DPP10: variants seen among roughly 807,000 people sequenced by gnomAD.
DPP10 encodes inactive dipeptidyl peptidase 10.
In DPP10, 33 loss-of-function variants were observed where a neutral mutation model predicts 120.9. The ratio of observed to expected loss-of-function variants is 0.27; its 90% CI spans 0.21 to 0.37. The LOEUF is 0.37. DPP10 is among the 10% of genes least tolerant of loss of function. DPP10 has a pLI of 1.00. For synonymous variants in DPP10, 337 were observed against 326.1 expected (o/e 1.03, Z -0.36); for missense variants, 816 against 942.8 (o/e 0.87, Z 1.76).
chr2:115,265,268 C>CATATATATATATATATATATAT (rs55778302), intron 1 of DPP10, among the ~76,000 whole-genome samples: 114 of 142,462 alleles, frequency 8.0e-4, no homozygotes, highest in Middle Eastern at 3.7e-3. Flanking sequence ...CTTTGGATTC[C>CATATATATATATATATATATAT]ATATATATAT....
chr2:114,730,231 C>G (rs1464326457), intron 1 of DPP10, among the ~76,000 whole-genome samples: 1 of 152,124 alleles, frequency 6.6e-6, no homozygotes, highest in Admixed American at 6.5e-5. Context: ...TGACTAAAGC[C>G]TAGTCCAGAA....
At chr2:115,078,457 A>C (rs2104479284) in intron 1 of DPP10, among the ~76,000 whole-genome samples, 1 of 152,316 alleles carries the variant, frequency 6.6e-6, no homozygotes, top group Non-Finnish European at 1.5e-5. Flanking sequence ...AAATATCATC[A>C]CATCAGTGGT....
intron 5 of DPP10, among the ~76,000 whole-genome samples, chr2:115,644,748 A>T (rs953693085): frequency 6.6e-6 from 1 of 152,122 alleles, no homozygotes; most frequent in Non-Finnish European, 1.5e-5. Context: ...GAGCCACTGC[A>T]CTCCAGCCAA....
chr2:114,737,842 C>T (rs764380291), intron 1 of DPP10, among the ~76,000 whole-genome samples: 8 of 152,124 alleles, frequency 5.3e-5, no homozygotes, highest in African/African-American at 1.9e-4. Context: ...AAAGCTTTTA[C>T]GAGAATGGAA....
At chr2:115,415,523 C>A (rs2104619951) in intron 3 of DPP10, among the ~76,000 whole-genome samples, 1 of 152,112 alleles carries the variant, frequency 6.6e-6, no homozygotes, top group Non-Finnish European at 1.5e-5. Flanking sequence ...ATTAAAAGGT[C>A]CATTAAGGGC....
chr2:114,601,128 A>G (rs531262602), intron 1 of DPP10, among the ~76,000 whole-genome samples: 1 of 151,998 alleles, frequency 6.6e-6, no homozygotes, highest in Non-Finnish European at 1.5e-5. Context: ...ATTTTGTATA[A>G]CATCTTATTC....
intron 1 of DPP10, among the ~76,000 whole-genome samples, chr2:114,636,444 C>G (rs1006711778): frequency 3.3e-5 from 5 of 151,978 alleles, no homozygotes; most frequent in African/African-American, 9.7e-5. Context: ...GCCAAAGACA[C>G]TAGCAGTTCT....
At chr2:114,981,100 G>A (rs1369269467) in intron 1 of DPP10, among the ~76,000 whole-genome samples, 2 of 151,390 alleles carry the variant, frequency 1.3e-5, no homozygotes, top group Non-Finnish European at 2.9e-5. Flanking sequence ...TCATTTCAGA[G>A]GGCAATTTGA....
intron 1 of DPP10, among the ~76,000 whole-genome samples, chr2:114,679,037 C>T (rs1363704284): frequency 6.6e-6 from 1 of 152,056 alleles, no homozygotes; most frequent in Non-Finnish European, 1.5e-5. Context: ...AGCGCACAGA[C>T]TTTCCTAGGA....
At chr2:115,333,843 G>C (rs1292279755) in intron 2 of DPP10, among the ~76,000 whole-genome samples, 1 of 151,916 alleles carries the variant, frequency 6.6e-6, no homozygotes, top group Non-Finnish European at 1.5e-5. Flanking sequence ...CTTTCTCTCT[G>C]GCTGCCCTTA....
intron 1 of DPP10, among the ~76,000 whole-genome samples, chr2:114,977,963 A>AT (rs1201557693): frequency 6.6e-6 from 1 of 151,144 alleles, no homozygotes; most frequent in African/African-American, 2.4e-5. Flanking sequence ...TGGGAGGGAG[A>AT]TTTTGCAATA....
intron 1 of DPP10, among the ~76,000 whole-genome samples, chr2:114,664,406 A>T (rs1697734063): frequency 6.6e-6 from 1 of 151,934 alleles, no homozygotes; most frequent in African/African-American, 2.4e-5. Flanking sequence ...AGGCGGATGG[A>T]TCACCTGAAG....
At chr2:114,888,441 G>A (rs778840292) in intron 1 of DPP10, among the ~76,000 whole-genome samples, 1 of 152,048 alleles carries the variant, frequency 6.6e-6, no homozygotes, top group Non-Finnish European at 1.5e-5. Context: ...AAAAGTTCAC[G>A]AATCTGTATA....
intron 1 of DPP10, among the ~76,000 whole-genome samples, chr2:115,294,787 A>C (rs1416328528): frequency 6.6e-6 from 1 of 152,072 alleles, no homozygotes; most frequent in African/African-American, 2.4e-5. Flanking sequence ...GTATCACTAC[A>C]AAATGAATTG....
At chr2:114,478,698 A>T (rs539712807) in intron 1 of DPP10, among the ~76,000 whole-genome samples, 1 of 152,288 alleles carries the variant, frequency 6.6e-6, no homozygotes, top group African/African-American at 2.4e-5. Flanking sequence ...TCTACAAAAA[A>T]ACTTACATAA....
chr2:114,459,092 T>G (rs1054074178), intron 1 of DPP10, among the ~76,000 whole-genome samples: 2 of 152,168 alleles, frequency 1.3e-5, no homozygotes, highest in African/African-American at 4.8e-5. Flanking sequence ...TAAGTAAATT[T>G]CTAAAAATGT....
At chr2:115,001,565 A>C (rs920387435) in intron 1 of DPP10, among the ~76,000 whole-genome samples, 16 of 152,188 alleles carry the variant, frequency 1.1e-4, no homozygotes, top group African/African-American at 3.9e-4. Flanking sequence ...CAAGAGAAAG[A>C]AATAAAAGGT....
At chr2:114,979,038 C>T (rs1461850722) in intron 1 of DPP10, among the ~76,000 whole-genome samples, 2 of 152,056 alleles carry the variant, frequency 1.3e-5, no homozygotes, top group East Asian at 3.9e-4. Context: ...GAAAAATTGT[C>T]AGCATTTTCT....
chr2:115,661,333 C>G (rs1270521061), intron 5 of DPP10, among the ~76,000 whole-genome samples: 1 of 152,164 alleles, frequency 6.6e-6, no homozygotes, highest in Non-Finnish European at 1.5e-5. Flanking sequence ...TCCTGTATTT[C>G]TAAGTTCTCA....
Sources: allele counts gnomAD v4.1 joint callset (sites outside exome capture counted in the v4.1 genomes callset), GRCh38; gene constraint gnomAD v4.1.1; transcripts MANE v1.5; gene names NCBI Gene and HGNC (gene_info 2026-07-23, HGNC 2026-07-21).